The following NXN variants were observed in gnomAD, a reference collection of about 807,000 sequenced individuals.
NXN encodes nucleoredoxin, also known as nucleoredoxin 1.
In NXN, 16 loss-of-function variants were observed where a neutral mutation model predicts 48.6. The ratio of observed to expected loss-of-function variants is 0.33; its 90% CI spans 0.22 to 0.50. The LOEUF (loss-of-function observed/expected upper bound fraction) is 0.50. NXN is among the 20% of genes least tolerant of loss of function. The probability of loss-of-function intolerance (pLI) is 0.98; values close to 1 mark genes in which losing one functional copy is unlikely to be tolerated. For missense variants in NXN, 492 were observed against 605.5 expected (o/e 0.81, Z 1.97); for synonymous variants, 281 against 269.6 (o/e 1.04, Z -0.41).
intron 1 of NXN, among the ~76,000 whole-genome samples, chr17:867,448 A>G (rs2068105802): frequency 6.6e-6 from 1 of 152,236 alleles, no homozygotes; most frequent in Non-Finnish European, 1.5e-5. Flanking sequence ...TGCTCAGAGT[A>G]GGGCTTGCCC....
At chr17:886,132 A>T (rs73293307) in intron 1 of NXN, among the ~76,000 whole-genome samples, 4,891 of 152,076 alleles carry the variant, frequency 0.032, 246 homozygotes, top group African/African-American at 0.11. Context: ...CTGTGTCAGG[A>T]GCCACCCCAT....
chr17:858,695 C>A (rs1225982401), intron 1 of NXN, among the ~76,000 whole-genome samples: 1 of 151,436 alleles, frequency 6.6e-6, no homozygotes, highest in Non-Finnish European at 1.5e-5. Context: ...CGCCACTGCA[C>A]TCCAGCCTGG....
At chr17:957,743 C>T (rs971161544) in intron 1 of NXN, among the ~76,000 whole-genome samples, 1 of 152,048 alleles carries the variant, frequency 6.6e-6, no homozygotes, top group Non-Finnish European at 1.5e-5. Context: ...GAGGTCAAAC[C>T]TCCTTGGTAC....
At chr17:929,195 T>C (rs113396517) in intron 1 of NXN, among the ~76,000 whole-genome samples, 1,579 of 152,228 alleles carry the variant, frequency 0.01, 28 homozygotes, top group African/African-American at 0.034. Context: ...CAGCTGGAGG[T>C]GAGCGCCGGC....
chr17:803,968 C>T, intron 6 of NXN, 162 bp from the exon 7 acceptor site: 5 of 856,110 alleles, frequency 5.8e-6, no homozygotes, highest in Non-Finnish European at 7.2e-6. Flanking sequence ...TCCCCGCATG[C>T]ATGGGTGTGT....
rs540837309 is a variant in NXN, at chr17:858,715, C to T, written c.361-32637G>A. On this transcript the variant is annotated intron_variant, in intron 1 of 7. Transcript: ENST00000336868. Reference sequence around the variant, plus strand: ...CTGCACTCCAGCCTGGGTGACAGAGCGAGACTCCGTCTCAAAAAAAAAAAA... The same window carrying T: ...CTGCACTCCAGCCTGGGTGACAGAGTGAGACTCCGTCTCAAAAAAAAAAAA... Among the ~76,000 whole-genome samples the T allele has an allele frequency of 7.4e-5, 11 of 149,156 alleles. 1 individual carries two copies. The South Asian group carries it at 2.1e-3, about 29-fold the overall frequency.
intron 1 of NXN, among the ~76,000 whole-genome samples, chr17:843,048 GAAAGAAA>G (rs1567829139): frequency 1.6e-5 from 2 of 125,962 alleles, no homozygotes; most frequent in African/African-American, 7.0e-5. Flanking sequence ...AAGAAAGAAA[GAAAGAAA>G]GAAGGAAGAA....
rs1178075108 is a variant in NXN at position 830,174 on chromosome 17, G to A, written c.361-4096C>T. On this transcript the variant is annotated intron_variant, in intron 1 of 7. Transcript: ENST00000336868. This position sits in a 1 kb window ranked among gnomAD's most constrained non-coding sequence, Gnocchi z 4.2. ...CCCTGTGCTTTCCCCGCTATGTTTT[G>A]TAACTGGTAAGAGCTGAAAGTGATT... Among the ~76,000 whole-genome samples, 2 of 152,196 alleles carry A rather than the reference G, an allele frequency of 1.3e-5. No individual in the cohort carries two copies. Among genetic ancestry groups the A allele is most frequent in the African/African-American group, 2.4e-5 (1 of 41,458 alleles).
At chr17:882,609 G>A (rs1342491840) in intron 1 of NXN, among the ~76,000 whole-genome samples, 2 of 151,950 alleles carry the variant, frequency 1.3e-5, no homozygotes, top group African/African-American at 4.8e-5. Context: ...GGGACTTCAG[G>A]CGCCCACCAC....
At chr17:852,577 A>G (rs568586319) in intron 1 of NXN, among the ~76,000 whole-genome samples, 1 of 152,078 alleles carries the variant, frequency 6.6e-6, no homozygotes, top group Non-Finnish European at 1.5e-5. Flanking sequence ...CAGAGCTCCG[A>G]GTTGGTGTTG....
intron 5 of NXN, among the ~76,000 whole-genome samples, chr17:817,442 G>A (rs929590892): frequency 1.3e-5 from 2 of 152,090 alleles, no homozygotes; most frequent in African/African-American, 4.8e-5. Flanking sequence ...GGCCGAGGTG[G>A]GCGGATCACA....
intron 1 of NXN, among the ~76,000 whole-genome samples, chr17:975,394 T>C (rs777219052): frequency 6.6e-6 from 1 of 152,196 alleles, no homozygotes; most frequent in Non-Finnish European, 1.5e-5. Flanking sequence ...TGTAAGAATG[T>C]TGAGGTTGCT....
intron 1 of NXN, among the ~76,000 whole-genome samples, chr17:841,422 C>T (rs1914205519): frequency 8.1e-6 from 1 of 123,846 alleles, no homozygotes; most frequent in Non-Finnish European, 1.9e-5. Context: ...GACCACGGCG[C>T]ATCTCACACG....
chr17:890,705 T>C (rs1425424370), intron 1 of NXN, among the ~76,000 whole-genome samples: 1 of 147,158 alleles, frequency 6.8e-6, no homozygotes, highest in African/African-American at 2.4e-5. Context: ...AATAATATTT[T>C]TCTGGATTTT....
At chr17:856,460 G>T (rs559949028) in intron 1 of NXN, among the ~76,000 whole-genome samples, 1 of 151,546 alleles carries the variant, frequency 6.6e-6, no homozygotes, top group East Asian at 1.9e-4. Flanking sequence ...ATAAAGTAGG[G>T]CTCCACTGGT....
At chr17:967,744 G>A (rs966482462) in intron 1 of NXN, among the ~76,000 whole-genome samples, 1 of 152,186 alleles carries the variant, frequency 6.6e-6, no homozygotes, top group Admixed American at 6.5e-5. Flanking sequence ...GGCCGAGGCA[G>A]GTGGATCACG....
chr17:918,114 GC>G (rs1421675313), intron 1 of NXN, among the ~76,000 whole-genome samples: 5 of 152,072 alleles, frequency 3.3e-5, no homozygotes, highest in African/African-American at 1.2e-4. Context: ...AAGAAGATGG[GC>G]CAAAAACAGA....
At chr17:803,404 C>G (rs1309098713) in intron 7 of NXN, among the ~76,000 whole-genome samples, 1 of 152,114 alleles carries the variant, frequency 6.6e-6, no homozygotes, top group African/African-American at 2.4e-5. Flanking sequence ...GCAGCCACGG[C>G]CACTCTCCCC....
chr17:939,923 A>G (rs2068951759), intron 1 of NXN, among the ~76,000 whole-genome samples: 1 of 150,350 alleles, frequency 6.7e-6, no homozygotes, highest in African/African-American at 2.4e-5. Flanking sequence ...GAGTGCAGTC[A>G]ACTCCCGCTT....
Sources: gnomAD v4.1 joint callset for allele counts (sites outside exome capture counted in the v4.1 genomes callset) on GRCh38, gnomAD v4.1.1 for gene constraint, Gnocchi (gnomAD v3.1) non-coding constraint, MANE v1.5 for transcripts, NCBI Gene and HGNC (gene_info 2026-07-23, HGNC 2026-07-21) for gene names.